Variants in SND1 observed in about 807,000 individuals in gnomAD.
SND1 encodes staphylococcal nuclease domain-containing protein 1.
Under a neutral mutation model 121.7 loss-of-function variants are expected in SND1, and 38 were observed. The observed-to-expected ratio is 0.31, with a 90% CI of 0.24 to 0.41. SND1 has a LOEUF of 0.41. Among genes scored for constraint, SND1 ranks in the 10% least tolerant of loss-of-function variants. The probability of loss-of-function intolerance (pLI) is 1.00; values close to 1 mark genes in which losing one functional copy is unlikely to be tolerated. For synonymous variants in SND1, 401 were observed against 447.4 expected (o/e 0.90, Z 1.31); for missense variants, 868 against 1,184.6 (o/e 0.73, Z 3.92).
At chr7:127,916,274 A>G (rs1800578033) in intron 14 of SND1, among the ~76,000 whole-genome samples, 1 of 152,090 alleles carries the variant, frequency 6.6e-6, no homozygotes, top group African/African-American at 2.4e-5. Context: ...GGTAGAACTG[A>G]GTGGTTGATT....
intron 10 of SND1, among the ~76,000 whole-genome samples, chr7:127,741,191 G>A (rs1372515624): frequency 6.6e-6 from 1 of 152,148 alleles, no homozygotes; most frequent in Non-Finnish European, 1.5e-5. Context: ...ACTTACCTGG[G>A]AAACTTTTAT....
chr7:128,031,793 T>C (rs929716), intron 16 of SND1, among the ~76,000 whole-genome samples: 24,665 of 143,320 alleles, frequency 0.17, 2,510 homozygotes, highest in African/African-American at 0.3. Flanking sequence ...CGCCCGCCGC[T>C]GCCCGGCCCC....
intron 10 of SND1, among the ~76,000 whole-genome samples, chr7:127,759,745 A>T (rs186589233): frequency 6.6e-6 from 1 of 152,178 alleles, no homozygotes; most frequent in Admixed American, 6.5e-5. Context: ...TGCAAACCAT[A>T]TATCCACACC....
intron 16 of SND1, among the ~76,000 whole-genome samples, chr7:128,059,614 C>T (rs1793198806): frequency 6.6e-6 from 1 of 152,210 alleles, no homozygotes. Flanking sequence ...CATCCCAGTC[C>T]TTCTCTAGCC....
chr7:127,731,080 G>A (rs545702149), intron 10 of SND1, among the ~76,000 whole-genome samples: 267 of 152,356 alleles, frequency 1.8e-3, no homozygotes, highest in African/African-American at 6.1e-3. Context: ...GTGGAGGTCT[G>A]GGAGGAGCTG....
At chr7:127,833,131 G>A (rs1248756506) in intron 11 of SND1, among the ~76,000 whole-genome samples, 1 of 152,028 alleles carries the variant, frequency 6.6e-6, no homozygotes, top group Non-Finnish European at 1.5e-5. Flanking sequence ...TGGCCTAAAA[G>A]GTAGACTATT....
At chr7:127,766,793 A>AAAAAAAAT (rs1797428689) in intron 10 of SND1, among the ~76,000 whole-genome samples, 1 of 148,282 alleles carries the variant, frequency 6.7e-6, no homozygotes, top group African/African-American at 2.5e-5. Context: ...AAAAAAAAAA[A>AAAAAAAAT]AAAAAAAATA....
chr7:127,670,196 C>T (rs965844554), intron 1 of SND1, among the ~76,000 whole-genome samples: 7 of 152,084 alleles, frequency 4.6e-5, no homozygotes, highest in Non-Finnish European at 8.8e-5. Context: ...ACCATGTTGG[C>T]CAGGCTGGTC....
At chr7:127,740,001 C>T (rs778878120) in intron 10 of SND1, among the ~76,000 whole-genome samples, 4 of 152,204 alleles carry the variant, frequency 2.6e-5, no homozygotes, top group Non-Finnish European at 5.9e-5. Context: ...CTCTTCTCCC[C>T]TTTCTTATTG....
intron 9 of SND1, among the ~76,000 whole-genome samples, chr7:127,721,078 G>A (rs1796487653): frequency 6.6e-6 from 1 of 152,132 alleles, no homozygotes; most frequent in African/African-American, 2.4e-5. Flanking sequence ...TACAGATTTT[G>A]TCTCATTGAG....
intron 15 of SND1, among the ~76,000 whole-genome samples, chr7:127,958,501 C>T (rs1801652053): frequency 6.6e-6 from 1 of 152,164 alleles, no homozygotes; most frequent in Admixed American, 6.5e-5. Flanking sequence ...CCACTTTGCT[C>T]CACCTTTCAG....
chr7:127,708,072 C>T (rs1796233009), intron 9 of SND1, among the ~76,000 whole-genome samples: 1 of 152,024 alleles, frequency 6.6e-6, no homozygotes, highest in East Asian at 1.9e-4. Context: ...TCCATACAGC[C>T]ATTCTGTTTA....
intron 16 of SND1, among the ~76,000 whole-genome samples, chr7:128,018,602 C>A (rs1803279602): frequency 6.6e-6 from 1 of 152,204 alleles, no homozygotes; most frequent in Non-Finnish European, 1.5e-5. Context: ...AGGGTCTCAC[C>A]ATCCTGAATA....
At chr7:127,833,266 T>G (rs1302289765) in intron 11 of SND1, among the ~76,000 whole-genome samples, 1 of 149,556 alleles carries the variant, frequency 6.7e-6, no homozygotes, top group Non-Finnish European at 1.5e-5. Flanking sequence ...CTGTCTTTTT[T>G]TTTTTTTTTT....
chr7:127,899,720 TTCAG>T (rs1800189858), intron 13 of SND1, among the ~76,000 whole-genome samples: 1 of 152,156 alleles, frequency 6.6e-6, no homozygotes, highest in Non-Finnish European at 1.5e-5. Context: ...GTGTGCAATA[TTCAG>T]TCAAAGTGTG....
intron 4 of SND1, among the ~76,000 whole-genome samples, chr7:127,699,968 A>C (rs1021531464): frequency 1.3e-5 from 2 of 152,162 alleles, no homozygotes; most frequent in Non-Finnish European, 2.9e-5. Context: ...GACTGCAAGG[A>C]GACATTTGCT....
chr7:127,857,422 C>T (rs1351751479), intron 12 of SND1, among the ~76,000 whole-genome samples: 1 of 144,998 alleles, frequency 6.9e-6, no homozygotes, highest in African/African-American at 2.6e-5. Context: ...CCAGGATGGT[C>T]TCCATCTCCT....
chr7:128,010,072 C>T (rs1803082618), intron 16 of SND1, among the ~76,000 whole-genome samples: 2 of 152,156 alleles, frequency 1.3e-5, no homozygotes, highest in Admixed American at 6.5e-5. Context: ...TGAGTCTGAC[C>T]CTTGAGTTTC....
chr7:127,993,261 G>A (rs1802560746), intron 16 of SND1, among the ~76,000 whole-genome samples: 1 of 152,182 alleles, frequency 6.6e-6, no homozygotes, highest in Non-Finnish European at 1.5e-5. Context: ...TTTGTGTTTT[G>A]TTACAGGCTT....
Sources: allele counts gnomAD v4.1 joint callset (sites outside exome capture counted in the v4.1 genomes callset), GRCh38; gene constraint gnomAD v4.1.1; transcripts MANE v1.5; gene names NCBI Gene and HGNC (gene_info 2026-07-23, HGNC 2026-07-21).